TMEM177: variants seen among roughly 807,000 people sequenced by gnomAD.
The protein encoded by TMEM177 is transmembrane protein 177.
Under a neutral mutation model 14.2 loss-of-function variants are expected in TMEM177, and 4 were observed. The observed-to-expected ratio is 0.28, with a 90% CI of 0.14 to 0.64. TMEM177 has a LOEUF of 0.64. Among genes scored for constraint, TMEM177 ranks in the 30% least tolerant of loss-of-function variants. TMEM177 has a pLI of 0.82. For synonymous variants in TMEM177, 179 were observed against 174.5 expected (o/e 1.03, Z -0.20); for missense variants, 344 against 405.2 (o/e 0.85, Z 1.30).
chr2:119,700,049 C>A, the TMEM177 span: 1 of 279,648 alleles, frequency 3.6e-6, no homozygotes, highest in South Asian at 5.4e-5. Flanking sequence ...TCGAGATCAT[C>A]CTTACTGAAA....
chr2:119,716,815 C>T, the TMEM177 span, among the ~76,000 whole-genome samples: 33 of 152,336 alleles, frequency 2.2e-4, no homozygotes, highest in Non-Finnish European at 2.5e-4. Flanking sequence ...TATGTCTACT[C>T]AATGGGTATG....
the TMEM177 span, among the ~76,000 whole-genome samples, chr2:119,693,429 G>A: frequency 2.6e-5 from 4 of 152,188 alleles, no homozygotes; most frequent in Admixed American, 6.5e-5. Context: ...AACTTCCTCC[G>A]AGAGGAAGAT....
the TMEM177 span, among the ~76,000 whole-genome samples, chr2:119,715,070 AT>A: frequency 6.6e-6 from 1 of 152,160 alleles, no homozygotes; most frequent in African/African-American, 2.4e-5. Flanking sequence ...GGAGGCTCTT[AT>A]CACTCTTTCA....
chr2:119,703,744 G>C, the TMEM177 span, among the ~76,000 whole-genome samples: 58,473 of 151,942 alleles, frequency 0.38, 11,270 homozygotes, highest in South Asian at 0.47. Context: ...AAGATGGAAG[G>C]CTGGGAGGAG....
downstream of TMEM177, chr2:119,686,533 G>A (rs1411470799): frequency 3.9e-5 from 6 of 152,126 alleles, no homozygotes; most frequent in Admixed American, 3.9e-4. Context: ...CTGGAGAAGA[G>A]GGCATTAGCG....
At chr2:119,690,680 G>A (rs116568587), downstream of TMEM177, among the ~76,000 whole-genome samples, 1,093 of 152,288 alleles carry the variant, frequency 7.2e-3, 8 homozygotes, top group African/African-American at 0.024. Flanking sequence ...CACATCCTGC[G>A]TGTTTATAGA....
downstream of TMEM177, among the ~76,000 whole-genome samples, chr2:119,684,547 C>A: frequency 6.6e-6 from 1 of 151,632 alleles, no homozygotes; most frequent in Admixed American, 6.6e-5. Flanking sequence ...TTATTTTTTG[C>A]AGTTTCAGTA....
At chr2:119,691,891 G>A in the TMEM177 span, among the ~76,000 whole-genome samples, 37 of 152,306 alleles carry the variant, frequency 2.4e-4, 1 homozygote, top group Admixed American at 1.7e-3. Flanking sequence ...CTCAGCCACC[G>A]ATCCCCAGGT....
At chr2:119,699,365 C>T in the TMEM177 span, among the ~76,000 whole-genome samples, 2 of 152,296 alleles carry the variant, frequency 1.3e-5, no homozygotes, top group East Asian at 3.9e-4. Context: ...ACGGGGGAAC[C>T]GCCCCCATGA....
chr2:119,719,343 T>C, the TMEM177 span, among the ~76,000 whole-genome samples: 2 of 152,196 alleles, frequency 1.3e-5, no homozygotes, highest in African/African-American at 4.8e-5. Flanking sequence ...TTACATAGTA[T>C]GTGTTCTTTG....
chr2:119,705,418 A>G, the TMEM177 span, among the ~76,000 whole-genome samples: 1 of 152,186 alleles, frequency 6.6e-6, no homozygotes, highest in East Asian at 1.9e-4. Flanking sequence ...TTACAGACTC[A>G]TTCAGATTGT....
the TMEM177 span, among the ~76,000 whole-genome samples, chr2:119,708,201 T>G: frequency 0.83 from 125,731 of 152,102 alleles, 52,080 homozygotes; most frequent in East Asian, 0.89. Context: ...CTTTGTCTCC[T>G]GGTTAGATCC....
chr2:119,688,805 C>G (rs1334936055), downstream of TMEM177, among the ~76,000 whole-genome samples: 1 of 152,208 alleles, frequency 6.6e-6, no homozygotes, highest in Non-Finnish European at 1.5e-5. Flanking sequence ...CTGTCGGTTA[C>G]TGTGGTGCCC....
chr2:119,706,017 A>AT, the TMEM177 span, among the ~76,000 whole-genome samples: 112,749 of 140,288 alleles, frequency 0.8, 46,062 homozygotes, highest in East Asian at 0.88. Context: ...TATATTATAT[A>AT]TATTTATATA....
chr2:119,687,854 T>C (rs1689040066), downstream of TMEM177, among the ~76,000 whole-genome samples: 1 of 152,182 alleles, frequency 6.6e-6, no homozygotes, highest in South Asian at 2.1e-4. Context: ...TATGCAGAAA[T>C]AGATAACTCA....
chr2:119,716,285 G>A, the TMEM177 span, among the ~76,000 whole-genome samples: 3 of 152,046 alleles, frequency 2.0e-5, no homozygotes, highest in African/African-American at 4.8e-5. Context: ...GTGACAACAG[G>A]GTCTCTACTC....
the TMEM177 span, among the ~76,000 whole-genome samples, chr2:119,702,386 G>A: frequency 6.6e-6 from 1 of 152,174 alleles, no homozygotes; most frequent in Non-Finnish European, 1.5e-5. Context: ...GCTGCTGGCT[G>A]CTGGCTGCTG....
chr2:119,713,635 T>C, the TMEM177 span, among the ~76,000 whole-genome samples: 1 of 152,120 alleles, frequency 6.6e-6, no homozygotes, highest in Non-Finnish European at 1.5e-5. Context: ...AGGCCAGTAG[T>C]TCCAGACTAG....
the TMEM177 span, chr2:119,698,608 A>G: frequency 5.6e-6 from 1 of 177,906 alleles, no homozygotes; most frequent in South Asian, 1.4e-4. Flanking sequence ...AAGTGGCTTG[A>G]GATGATCTGT....
Sources: allele counts gnomAD v4.1 joint callset (sites outside exome capture counted in the v4.1 genomes callset), GRCh38; gene constraint gnomAD v4.1.1; transcripts MANE v1.5; gene names NCBI Gene and HGNC (gene_info 2026-07-23, HGNC 2026-07-21).